SMC4: variants seen among roughly 807,000 people sequenced by gnomAD.
SMC4 encodes the protein structural maintenance of chromosomes 4, also known as structural maintenance of chromosomes protein 4.
A neutral mutation model predicts 145.6 loss-of-function variants in SMC4; 87 were observed. The observed-to-expected ratio is 0.60, with a 90% CI of 0.50 to 0.71. The LOEUF (loss-of-function observed/expected upper bound fraction) is 0.71, where lower values mean the gene tolerates loss of function less well. SMC4 is among the 30% of genes least tolerant of loss of function. SMC4 has a pLI of 0.00. For missense variants in SMC4, 1,447 were observed against 1,537.1 expected, an observed-to-expected ratio of 0.94 and a Z score of 0.98; for synonymous variants, 558 against 500.7, an observed-to-expected ratio of 1.11 and a Z score of -1.53.
chr3:160,405,607 A>G (rs1424670663), intron 5 of SMC4, among the ~76,000 whole-genome samples: 2 of 151,984 alleles, frequency 1.3e-5, no homozygotes, highest in Non-Finnish European at 2.9e-5. Context: ...GTAAATCAGT[A>G]TCATTCTAGG....
At position 160,423,496 on chromosome 3, in the gene SMC4, A is replaced by C; in HGVS notation, c.2091A>C (p.Val697=). The stretch of plus-strand genomic sequence containing the variant: ...ATACTCCTCGTTTATTTGATTTAGT[A>C]AAAGTAAAAGATGAGAAAATTCGCC... ...PENTPRLFDL[V]KVKDEKIRQA... Residue 697 remains valine (V), a synonymous_variant, in exon 14 of 24, where the codon GTA becomes GTC. Transcript: ENST00000357388. The C allele has an allele frequency of 6.2e-7, 1 of 1,613,702 alleles. No individual in the cohort carries two copies. Among genetic ancestry groups the C allele is most frequent in the Non-Finnish European group, 8.5e-7 (1 of 1,179,788 alleles).
In SMC4 at chr3:160,423,766, A is replaced by G. The variant is rs139345715; in HGVS notation, c.2251A>G (p.Met751Val). Residue 751 changes from methionine to valine, a missense_variant, in exon 15 of 24, where the codon ATG (methionine) becomes GTG (valine). Met to Val is a conservative substitution (Grantham distance 21). Coordinates refer to ENST00000357388, the MANE Select transcript of SMC4 (RefSeq NM_001002800.3). ...TTCTCTCCCCTGTTTTCCAGGTACA[A>G]TGACTGGTGGTGGAAGCAAAGTAAT... The part of the protein sequence containing the change: ...QGQIIEQSGT[M>V]TGGGSKVMKG... 22 of 1,613,518 alleles carry G rather than the reference A, an allele frequency of 1.4e-5. No homozygotes were observed. The highest frequency in any genetic ancestry group is 5.3e-5 in the African/African-American group (4 of 74,896).
chr3:160,433,589 T>G, intron 23 of SMC4, 68 bp from the exon 24 acceptor site: 1 of 924,778 alleles, frequency 1.1e-6, no homozygotes, highest in Non-Finnish European at 1.6e-6. Flanking sequence ...AAAAAATATT[T>G]GAGGTTACAT....
At chr3:160,417,059 A>T (rs1269306074) in intron 10 of SMC4, among the ~76,000 whole-genome samples, 1 of 152,188 alleles carries the variant, frequency 6.6e-6, no homozygotes, top group African/African-American at 2.4e-5. Flanking sequence ...CAACAAGAGT[A>T]AGCATAAAAT....
In SMC4 at chr3:160,433,814, T is replaced by A. The variant is rs1250641554; in HGVS notation, c.*5T>A. The A allele has an allele frequency of 6.3e-7, 1 of 1,596,526 alleles. No homozygotes were observed. The highest frequency in any genetic ancestry group is 8.5e-7 in the Non-Finnish European group (1 of 1,173,374). On this transcript the variant is annotated 3_prime_UTR_variant, in exon 24 of 24. Transcript: ENST00000357388. Reference sequence around the variant, plus strand: ...GCATCTAAGGGACTTTGTTGAACTTTATGCTGAAGATTCTTCAAGTTGATT... The same window carrying A: ...GCATCTAAGGGACTTTGTTGAACTTAATGCTGAAGATTCTTCAAGTTGATT...
chr3:160,431,181 T>C lies in SMC4; in HGVS notation c.3090T>C (p.Ser1030=), dbSNP rs1488571453. 6.3e-7 allele frequency: 1 copy of C among 1,580,456 alleles called. No individual in the cohort carries two copies. Among genetic ancestry groups the C allele is most frequent in the Admixed American group, 2.0e-5 (1 of 50,928 alleles). ...ATGGTCACATTGCTGAACATAATTCTAAAATAAAATATTGGCACAAAGAGG... is the reference window on the plus strand; with the variant it reads ...ATGGTCACATTGCTGAACATAATTCCAAAATAAAATATTGGCACAAAGAGG... The part of the protein sequence containing the change: ...QIDGHIAEHN[S]KIKYWHKEIS... Residue 1030 remains serine, a synonymous_variant, in exon 20 of 24, where the codon TCT becomes TCC. Coordinates refer to ENST00000357388, the MANE Select transcript of SMC4 (RefSeq NM_001002800.3).
chr3:160,420,648 T>C, intron 12 of SMC4, 92 bp from the exon 13 acceptor site: 2 of 1,355,518 alleles, frequency 1.5e-6, no homozygotes, highest in South Asian at 1.3e-5. Flanking sequence ...ACATAAAGTT[T>C]TTCAATTAAA....
rs576571825 is a variant in SMC4 at position 160,433,671 on chromosome 3, T to C, written c.3729T>C (p.Asn1243=). ...TTTCTCTTTAGGAACAAACAAAAAA[T>C]GCACAGTTCATAATAATTTCTCTTC... ...VAFYIYEQTK[N]AQFIIISLRN... Residue 1243 remains asparagine (N), a synonymous_variant, in exon 24 of 24, where the codon AAT becomes AAC. Coordinates refer to ENST00000357388, the MANE Select transcript of SMC4 (RefSeq NM_001002800.3). 5.2e-6 allele frequency: 8 copies of C among 1,551,300 alleles called. 1 individual carries two copies. In the African/African-American group the frequency reaches 1.1e-4, roughly 22 times the overall value.
intron 2 of SMC4, among the ~76,000 whole-genome samples, chr3:160,401,666 T>A (rs1714677999): frequency 6.6e-6 from 1 of 152,192 alleles, no homozygotes; most frequent in Non-Finnish European, 1.5e-5. Flanking sequence ...TGTATAGAAT[T>A]TTGTGACCGG....
chr3:160,400,859 C>T lies in SMC4; in HGVS notation c.33C>T (p.Ala11=), dbSNP rs2108440224. 1 of 1,535,282 alleles carries T rather than the reference C, an allele frequency of 6.5e-7. No individual in the cohort carries two copies. The highest frequency in any genetic ancestry group is 8.7e-7 in the Non-Finnish European group (1 of 1,150,734). Residue 11 remains alanine (A), a synonymous_variant, in exon 2 of 24, where the codon GCC becomes GCT. Coordinates refer to ENST00000357388, the MANE Select transcript of SMC4 (RefSeq NM_001002800.3). MPRKGTQPST[A]RRREEGPPPP... ...GTAAAGGCACCCAGCCCTCCACTGC[C>T]CGGCGCAGAGAGGAAGGGCCGCCGC...
chr3:160,411,995 G>C lies in SMC4; in HGVS notation c.763G>C (p.Glu255Gln), dbSNP rs1206573868. ...EHDEGMLEYLEDIIGCGRLNE... is the reference protein window; with the variant it reads ...EHDEGMLEYLQDIIGCGRLNE... ...CGATGAGGGTATGCTTGAATATTTA[G>C]AAGATATAATTGGTTGTGGACGGCT... The change falls in exon 6 of 24, where the codon GAA (glutamate) becomes CAA (glutamine). Residue 255 changes from glutamate (E) to glutamine (Q), a missense_variant. By Grantham distance (29) the Glu-to-Gln change is conservative. Coordinates refer to ENST00000357388, the MANE Select transcript of SMC4 (RefSeq NM_001002800.3). The C allele has an allele frequency of 1.2e-6, 2 of 1,613,542 alleles. No individual in the cohort carries two copies. The highest frequency in any genetic ancestry group is 2.7e-5 in the African/African-American group (2 of 74,896).
At chr3:160,402,409 T>G (rs1431644661) in intron 3 of SMC4, among the ~76,000 whole-genome samples, 2 of 152,172 alleles carry the variant, frequency 1.3e-5, no homozygotes, top group Non-Finnish European at 1.5e-5. Flanking sequence ...AAGCCTTCTA[T>G]GGAACCCTTA....
intron 17 of SMC4, 50 bp downstream of exon 17, chr3:160,426,250 T>C (rs1317614740): frequency 7.2e-7 from 1 of 1,389,236 alleles, no homozygotes. Context: ...AACAGGTTTT[T>C]AAAGCTTGCA....
chr3:160,416,186 T>G, intron 9 of SMC4, 65 bp from the exon 10 acceptor site: 3 of 1,183,334 alleles, frequency 2.5e-6, no homozygotes, highest in Non-Finnish European at 3.4e-6. Context: ...TTTAAATATG[T>G]CAAATATTGA....
intron 3 of SMC4, among the ~76,000 whole-genome samples, chr3:160,402,439 G>C (rs545374080): frequency 2.0e-5 from 3 of 151,950 alleles, no homozygotes; most frequent in Non-Finnish European, 4.4e-5. Flanking sequence ...ACTATAAAAT[G>C]AGTTTTCTAA....
At chr3:160,423,908 T>TA in intron 15 of SMC4, 68 bp downstream of exon 15, 1 of 1,285,292 alleles carries the variant, frequency 7.8e-7, no homozygotes, top group East Asian at 2.4e-5. Context: ...GGTATATACT[T>TA]ACTACAAAAT....
intron 13 of SMC4, among the ~76,000 whole-genome samples, chr3:160,421,335 T>G (rs1717155316): frequency 6.6e-6 from 1 of 152,228 alleles, no homozygotes; most frequent in South Asian, 2.1e-4. Flanking sequence ...TTATTTTATG[T>G]TCTGGGGTTA....
intron 5 of SMC4, among the ~76,000 whole-genome samples, chr3:160,411,380 C>G (rs1486291402): frequency 1.3e-5 from 2 of 151,940 alleles, no homozygotes; most frequent in East Asian, 3.9e-4. Context: ...CCTTTGAAAC[C>G]CATTACTTGT....
intron 12 of SMC4, 31 bp from the exon 13 acceptor site, chr3:160,420,705 CCTAA>C (rs747511483): frequency 2.3e-4 from 364 of 1,601,570 alleles, no homozygotes; most frequent in South Asian, 1.1e-3. Context: ...TGCTTTTCTG[CCTAA>C]CTCTTTTTTC....
Sources: gnomAD v4.1 joint callset for allele counts (sites outside exome capture counted in the v4.1 genomes callset) on GRCh38, gnomAD v4.1.1 for gene constraint, MANE v1.5 for transcripts, NCBI Gene and HGNC (gene_info 2026-07-23, HGNC 2026-07-21) for gene names.